The following CACNA2D1 variants were observed in gnomAD, a reference collection of about 807,000 sequenced individuals.
The protein encoded by CACNA2D1 is calcium voltage-gated channel auxiliary subunit alpha2delta 1, also known as voltage-dependent calcium channel subunit alpha-2/delta-1.
Under a neutral mutation model 171.5 loss-of-function variants are expected in CACNA2D1, and 53 were observed. The observed-to-expected ratio is 0.31, with a 90% CI of 0.25 to 0.39. The LOEUF (loss-of-function observed/expected upper bound fraction) is 0.39, where lower values mean the gene tolerates loss of function less well. Among genes scored for constraint, CACNA2D1 ranks in the 10% least tolerant of loss-of-function variants. The pLI is 1.00. For missense variants in CACNA2D1, 903 were observed against 1,299.8 expected (o/e 0.69, Z 4.69); for synonymous variants, 442 against 443.1 (o/e 1.00, Z 0.03).
chr7:82,392,179 T>C (rs1825191119), intron 1 of CACNA2D1, among the ~76,000 whole-genome samples: 2 of 152,120 alleles, frequency 1.3e-5, no homozygotes, highest in South Asian at 4.1e-4. Flanking sequence ...CCCTAATTGG[T>C]TTTTCATGCT....
chr7:82,078,103 G>A (rs1342920039), intron 7 of CACNA2D1, among the ~76,000 whole-genome samples: 7 of 152,072 alleles, frequency 4.6e-5, no homozygotes, highest in African/African-American at 1.4e-4. Flanking sequence ...ACAAGAAGAT[G>A]TCTCTCAGAG....
At chr7:82,001,768 G>T in intron 18 of CACNA2D1, 3 of 656,738 alleles carry the variant, frequency 4.6e-6, no homozygotes, top group Non-Finnish European at 7.2e-6. Context: ...ACATAGGTAC[G>T]GGTTCTATCC....
At chr7:82,214,261 TC>T (rs1156325065) in intron 3 of CACNA2D1, among the ~76,000 whole-genome samples, 2 of 152,158 alleles carry the variant, frequency 1.3e-5, no homozygotes, top group Non-Finnish European at 2.9e-5. Context: ...CTTACCTACC[TC>T]TTCCGAGAAA....
chr7:82,140,138 T>A (rs182178987), intron 4 of CACNA2D1, among the ~76,000 whole-genome samples: 146 of 152,242 alleles, frequency 9.6e-4, no homozygotes, highest in African/African-American at 3.4e-3. Context: ...ATCATTCATT[T>A]ATATGGTCAA....
At chr7:82,348,230 TC>T (rs141540468) in intron 2 of CACNA2D1, among the ~76,000 whole-genome samples, 5,663 of 152,216 alleles carry the variant, frequency 0.037, 149 homozygotes, top group Middle Eastern at 0.082. Flanking sequence ...TGGTGGTACT[TC>T]CATAAACTCC....
At chr7:82,078,597 T>A (rs1809299696) in intron 7 of CACNA2D1, among the ~76,000 whole-genome samples, 1 of 152,194 alleles carries the variant, frequency 6.6e-6, no homozygotes, top group South Asian at 2.1e-4. Context: ...GAGTTCCTAA[T>A]CATATCTATG....
chr7:82,277,745 C>CTTTTTTTTTTTTTTTTTTTTTTTTT (rs1186719410), intron 3 of CACNA2D1, among the ~76,000 whole-genome samples: 1 of 142,094 alleles, frequency 7.0e-6, no homozygotes. Flanking sequence ...TAATTTTTTA[C>CTTTTTTTTTTTTTTTTTTTTTTTTT]TTTTATTTTT....
intron 6 of CACNA2D1, among the ~76,000 whole-genome samples, chr7:82,104,318 A>G (rs1401653671): frequency 5.3e-5 from 8 of 152,032 alleles, no homozygotes; most frequent in Admixed American, 3.3e-4. Context: ...AAACAAAATG[A>G]TTTATACTTG....
intron 3 of CACNA2D1, among the ~76,000 whole-genome samples, chr7:82,326,755 C>T (rs1325985105): frequency 6.9e-6 from 1 of 145,400 alleles, no homozygotes; most frequent in East Asian, 2.0e-4. Context: ...CAAACTTACA[C>T]TTTATCCACA....
chr7:82,313,415 C>A (rs538797193), intron 3 of CACNA2D1, among the ~76,000 whole-genome samples: 1 of 152,154 alleles, frequency 6.6e-6, no homozygotes, highest in Non-Finnish European at 1.5e-5. Flanking sequence ...GTGAAGTAAA[C>A]AACCAGGCTT....
At chr7:82,343,091 T>C (rs1050682329) in intron 2 of CACNA2D1, 1 of 152,200 alleles carries the variant, frequency 6.6e-6, no homozygotes, top group Non-Finnish European at 1.5e-5. Context: ...AATTTGGTCA[T>C]AGCCTCAAAT....
intron 7 of CACNA2D1, among the ~76,000 whole-genome samples, chr7:82,083,944 G>A (rs1049709165): frequency 6.6e-6 from 1 of 152,022 alleles, no homozygotes; most frequent in Non-Finnish European, 1.5e-5. Flanking sequence ...GCTGTTTAAG[G>A]TCATACTGTA....
At chr7:82,272,660 CT>C (rs1808790702) in intron 3 of CACNA2D1, among the ~76,000 whole-genome samples, 1 of 152,098 alleles carries the variant, frequency 6.6e-6, no homozygotes, top group Non-Finnish European at 1.5e-5. Flanking sequence ...AGTGGATCTT[CT>C]GAAAACAAAA....
chr7:82,024,846 TC>T (rs1801678609), intron 12 of CACNA2D1, among the ~76,000 whole-genome samples: 1 of 151,716 alleles, frequency 6.6e-6, no homozygotes, highest in Admixed American at 6.6e-5. Context: ...GGATCCAATT[TC>T]ATCTTTATTT....
intron 1 of CACNA2D1, chr7:82,410,554 G>C (rs1180440869): frequency 1.0e-6 from 1 of 984,650 alleles, no homozygotes; most frequent in Non-Finnish European, 1.2e-6. Flanking sequence ...GGTGGCTGAT[G>C]CCAGGTGGCT....
intron 6 of CACNA2D1, among the ~76,000 whole-genome samples, chr7:82,097,220 T>C (rs1563042519): frequency 6.6e-6 from 1 of 152,142 alleles, no homozygotes; most frequent in Non-Finnish European, 1.5e-5. Context: ...GTGGGGCAAT[T>C]GCAGGGATGT....
chr7:81,957,322 C>G (rs995932582), intron 38 of CACNA2D1, among the ~76,000 whole-genome samples: 1 of 151,980 alleles, frequency 6.6e-6, no homozygotes, highest in African/African-American at 2.4e-5. Flanking sequence ...CAGCTATTTA[C>G]AAAACAACAA....
At chr7:81,959,672 G>A (rs767432107) in intron 37 of CACNA2D1, 48 bp downstream of exon 37, 1 of 1,549,860 alleles carries the variant, frequency 6.5e-7, no homozygotes, top group South Asian at 1.1e-5. Context: ...GATTCAAAAT[G>A]CATTAAGATG....
intron 1 of CACNA2D1, among the ~76,000 whole-genome samples, chr7:82,428,568 C>T (rs1276174217): frequency 6.6e-6 from 1 of 151,950 alleles, no homozygotes; most frequent in Non-Finnish European, 1.5e-5. Context: ...ATTAGAAAAT[C>T]AAGAAAAATG....
Sources: gnomAD v4.1 joint callset for allele counts (sites outside exome capture counted in the v4.1 genomes callset) on GRCh38, gnomAD v4.1.1 for gene constraint, MANE v1.5 for transcripts, NCBI Gene and HGNC (gene_info 2026-07-23, HGNC 2026-07-21) for gene names.